Variants in ABCC9 observed in about 807,000 individuals in gnomAD.
ABCC9 encodes the protein ATP binding cassette subfamily C member 9.
A neutral mutation model predicts 188.3 loss-of-function variants in ABCC9; 95 were observed. That is an observed-to-expected ratio of 0.50 (90% CI 0.43 to 0.60). ABCC9 has a LOEUF of 0.60. ABCC9 is among the 20% of genes least tolerant of loss of function. The probability of loss-of-function intolerance (pLI) is 0.00; values close to 1 mark genes in which losing one functional copy is unlikely to be tolerated. For synonymous variants in ABCC9, 659 were observed against 652.7 expected, an observed-to-expected ratio of 1.01 and a Z score of -0.15; for missense variants, 1,102 against 1,876.3, an observed-to-expected ratio of 0.59 and a Z score of 7.62.
At chr12:21,868,644 A>G (rs1265937782) in intron 18 of ABCC9, among the ~76,000 whole-genome samples, 1 of 152,212 alleles carries the variant, frequency 6.6e-6, no homozygotes, top group African/African-American at 2.4e-5. Context: ...GTCTCAATAA[A>G]TAAATAAATA....
intron 11 of ABCC9, 104 bp from the exon 12 acceptor site, chr12:21,906,392 G>C (rs879027994): frequency 5.9e-6 from 7 of 1,183,082 alleles, no homozygotes; most frequent in South Asian, 5.7e-5. Flanking sequence ...TTTCAGACTG[G>C]CCCTGCCACT....
intron 7 of ABCC9, among the ~76,000 whole-genome samples, chr12:21,914,473 T>C (rs1022829980): frequency 6.6e-6 from 1 of 152,184 alleles, no homozygotes; most frequent in African/African-American, 2.4e-5. Context: ...CAATGCCCTT[T>C]TATTTAATTT....
At chr12:21,924,753 T>C (rs1194718746) in intron 5 of ABCC9, 2 of 152,090 alleles carry the variant, frequency 1.3e-5, no homozygotes, top group African/African-American at 4.8e-5. Flanking sequence ...TTTTTGCAGC[T>C]ACTTGTTGGA....
In ABCC9 at chr12:21,800,087, TTCA is replaced by T; in HGVS notation, c.*954_*956del. ...GACACTTGTTTTATATATATATAAC[TTCA>T]AAGTGTAAGATATCTCCAGCCTGCC... On this transcript the variant is annotated 3_prime_UTR_variant, in exon 40 of 40. Coordinates refer to ENST00000261200, the MANE Select transcript of ABCC9 (RefSeq NM_020297.4). 6.6e-6 allele frequency: 1 copy of T among 152,308 alleles called. No individual in the cohort carries two copies. The highest frequency in any genetic ancestry group is 1.9e-4 in the East Asian group (1 of 5,190). The allele number at this position is 152,308 out of a possible 1,614,324, so 9.4% of individuals were successfully genotyped here. A position where few individuals can be genotyped will look rare whatever the true frequency, so the allele number is the denominator to read the frequency against.
At chr12:21,801,664 A>G (rs1941442281) in intron 39 of ABCC9, among the ~76,000 whole-genome samples, 1 of 152,210 alleles carries the variant, frequency 6.6e-6, no homozygotes, top group African/African-American at 2.4e-5. Flanking sequence ...CAGTAATAGA[A>G]TGGATTACCC....
At chr12:21,851,048 C>T (rs1944937782) in intron 24 of ABCC9, among the ~76,000 whole-genome samples, 1 of 151,914 alleles carries the variant, frequency 6.6e-6, no homozygotes, top group African/African-American at 2.4e-5. Context: ...TTTGTATCTT[C>T]CTCTCTCTAT....
intron 28 of ABCC9, 56 bp from the exon 29 acceptor site, chr12:21,842,527 A>G (rs925889042): frequency 9.6e-6 from 15 of 1,558,740 alleles, no homozygotes; most frequent in African/African-American, 8.1e-5. Flanking sequence ...ATTGGCTGCA[A>G]TGTAACAAAA....
chr12:21,926,180 G>A, intron 4 of ABCC9, 117 bp from the exon 5 acceptor site: 1 of 1,370,136 alleles, frequency 7.3e-7, no homozygotes, highest in South Asian at 1.2e-5. Context: ...AATACAGAAT[G>A]CAATAGTAGT....
At chr12:21,880,453 A>G (rs1202774307) in intron 16 of ABCC9, among the ~76,000 whole-genome samples, 1 of 152,170 alleles carries the variant, frequency 6.6e-6, no homozygotes, top group Non-Finnish European at 1.5e-5. Context: ...GTGGAAAGCC[A>G]AGTTACACAG....
rs4148680 is a variant in ABCC9, at chr12:21,806,064, CAAA to C, written c.4450-7_4450-5del. On this transcript the variant is annotated splice_region_variant and splice_polypyrimidine_tract_variant and intron_variant, in intron 38 of 39. Coordinates refer to ENST00000261200, the MANE Select transcript of ABCC9 (RefSeq NM_020297.4). ...CTACTTTTTGCAAAATATTCTCCTG[CAAA>C]AAAAAAAAAGTGTAAATTTTCTCGG... 11 of 1,335,158 alleles carry C rather than the reference CAAA, an allele frequency of 8.2e-6. No individual in the cohort carries two copies. Among genetic ancestry groups the C allele is most frequent in the Non-Finnish European group, 9.4e-6 (9 of 962,504 alleles). The allele number at this position is 1,335,158 out of a possible 1,614,324, so 82.7% of individuals were successfully genotyped here.
intron 33 of ABCC9, among the ~76,000 whole-genome samples, chr12:21,816,103 ACACC>A (rs1287154408): frequency 2.1e-5 from 2 of 94,356 alleles, no homozygotes; most frequent in Non-Finnish European, 4.2e-5. Flanking sequence ...ATTCAAATAA[ACACC>A]TTTTGATTAC....
rs371069594 is a variant in ABCC9 at position 21,921,409 on chromosome 12, T to C, written c.407-4306A>G. 9.2e-5 allele frequency among the ~76,000 whole-genome samples: 14 copies of C among 152,138 alleles called. No homozygotes were observed. The East Asian group carries it at 1.5e-3, about 17-fold the overall frequency. On this transcript the variant is annotated intron_variant, in intron 5 of 39. Transcript: ENST00000261200. ...ATTCAGATCTTTTGCCCCTTTTTTATTGGATTATTAGTTATTTTTTTCCTA... is the reference window on the plus strand; with the variant it reads ...ATTCAGATCTTTTGCCCCTTTTTTACTGGATTATTAGTTATTTTTTTCCTA...
intron 39 of ABCC9, among the ~76,000 whole-genome samples, chr12:21,803,499 T>C (rs1398912784): frequency 2.6e-5 from 4 of 151,518 alleles, no homozygotes; most frequent in African/African-American, 9.7e-5. Flanking sequence ...CTACTAAAAA[T>C]ACAAAATTAG....
chr12:21,938,524 G>A (rs868168278), intron 2 of ABCC9, among the ~76,000 whole-genome samples: 28 of 152,130 alleles, frequency 1.8e-4, no homozygotes, highest in Middle Eastern at 3.4e-3. Flanking sequence ...AGCTAGTAAT[G>A]AATTTTTTAG....
intron 18 of ABCC9, among the ~76,000 whole-genome samples, chr12:21,870,938 T>C (rs1021998007): frequency 2.6e-5 from 4 of 152,200 alleles, no homozygotes; most frequent in Non-Finnish European, 4.4e-5. Context: ...ATGATAATTA[T>C]GAATGATAAT....
At chr12:21,820,819 G>A (rs1248246146) in intron 31 of ABCC9, among the ~76,000 whole-genome samples, 1 of 152,052 alleles carries the variant, frequency 6.6e-6, no homozygotes, top group Non-Finnish European at 1.5e-5. Context: ...CCAGCCCTGT[G>A]GCTCTTCTCT....
At chr12:21,852,535 AC>A (rs1669835167) in intron 22 of ABCC9, 30 bp from the exon 23 acceptor site, 1 of 1,604,722 alleles carries the variant, frequency 6.2e-7, no homozygotes, top group East Asian at 2.2e-5. Flanking sequence ...GGAAAGATGG[AC>A]GTTTTCTATA....
intron 5 of ABCC9, among the ~76,000 whole-genome samples, chr12:21,919,896 A>G (rs931001142): frequency 2.0e-5 from 3 of 152,038 alleles, no homozygotes; most frequent in Admixed American, 1.3e-4. Context: ...AAGCATGCAT[A>G]ATATATTATG....
chr12:21,855,300 A>C lies in ABCC9; in HGVS notation c.2506-2795T>G, dbSNP rs202178036. On this transcript the variant is annotated intron_variant, in intron 22 of 39. Coordinates refer to ENST00000261200, the MANE Select transcript of ABCC9 (RefSeq NM_020297.4). Reference sequence around the variant, plus strand: ...AATGGCATGATCTCAGCTCACTGCAACCTCTGCCTCCTGGGTTCAAGCAAT... The same window carrying C: ...AATGGCATGATCTCAGCTCACTGCACCCTCTGCCTCCTGGGTTCAAGCAAT... 2.0e-5 allele frequency among the ~76,000 whole-genome samples: 3 copies of C among 152,040 alleles called. No individual in the cohort carries two copies. The East Asian group carries it at 5.8e-4, about 29-fold the overall frequency.
Sources: gnomAD v4.1 joint callset for allele counts (sites outside exome capture counted in the v4.1 genomes callset) on GRCh38, gnomAD v4.1.1 for gene constraint, MANE v1.5 for transcripts, NCBI Gene and HGNC (gene_info 2026-07-23, HGNC 2026-07-21) for gene names.